The following CAST variants were observed in gnomAD, a reference collection of about 807,000 sequenced individuals.
CAST encodes the protein calpastatin.
Under a neutral mutation model 119.6 loss-of-function variants are expected in CAST, and 76 were observed. The observed-to-expected ratio is 0.64, with a 90% CI of 0.53 to 0.77. The LOEUF is 0.77. Among genes scored for constraint, CAST ranks in the 30% least tolerant of loss-of-function variants. The pLI, the probability that CAST is intolerant of heterozygous loss-of-function variation, is 0.00. For synonymous variants in CAST, 319 were observed against 331.6 expected (o/e 0.96, Z 0.41); for missense variants, 953 against 946.5 (o/e 1.01, Z -0.09).
chr5:96,085,983 C>CT, the CAST span, among the ~76,000 whole-genome samples: 95,734 of 151,922 alleles, frequency 0.63, 30,197 homozygotes, highest in Middle Eastern at 0.68. Context: ...CAAGGGATTG[C>CT]TTCCAGGACC....
At chr5:96,583,716 A>G (rs906917450) in intron 1 of CAST, among the ~76,000 whole-genome samples, 1 of 152,238 alleles carries the variant, frequency 6.6e-6, no homozygotes, top group African/African-American at 2.4e-5. Context: ...ACAAACAGAA[A>G]AATAGAGGGG....
At chr5:96,621,558 T>C (rs976318266) in intron 1 of CAST, among the ~76,000 whole-genome samples, 3 of 152,118 alleles carry the variant, frequency 2.0e-5, no homozygotes, top group Admixed American at 6.5e-5. Flanking sequence ...GTCAGGCACT[T>C]ACAAAACCAT....
At chr5:96,623,044 A>G (rs1272579168) in intron 1 of CAST, among the ~76,000 whole-genome samples, 15 of 151,586 alleles carry the variant, frequency 9.9e-5, no homozygotes, top group Non-Finnish European at 4.4e-5. Flanking sequence ...TTGTATTTTT[A>G]GTAGAGACAG....
At chr5:96,103,946 G>T in the CAST span, among the ~76,000 whole-genome samples, 1 of 152,124 alleles carries the variant, frequency 6.6e-6, no homozygotes, top group Non-Finnish European at 1.5e-5. Context: ...TTTCTCTGAT[G>T]GCCAGTGATG....
chr5:96,269,422 A>G, the CAST span, among the ~76,000 whole-genome samples: 4 of 152,310 alleles, frequency 2.6e-5, no homozygotes, highest in Admixed American at 1.3e-4. Context: ...TAAAACCAAC[A>G]AAGAAACACT....
At chr5:96,457,511 C>T in the CAST span, among the ~76,000 whole-genome samples, 1 of 152,176 alleles carries the variant, frequency 6.6e-6, no homozygotes, top group African/African-American at 2.4e-5. Context: ...CTCGTCTCCT[C>T]CCATGTTCCA....
the CAST span, among the ~76,000 whole-genome samples, chr5:96,203,659 C>A: frequency 1.2e-4 from 18 of 152,044 alleles, no homozygotes; most frequent in Middle Eastern, 3.4e-3. Context: ...TGCTAAATTT[C>A]AGTTAGAGGT....
the CAST span, among the ~76,000 whole-genome samples, chr5:96,177,000 T>G: frequency 1.3e-5 from 2 of 152,234 alleles, no homozygotes; most frequent in Non-Finnish European, 2.9e-5. Flanking sequence ...CAAATAACTT[T>G]TCATGTCTTA....
intron 1 of CAST, among the ~76,000 whole-genome samples, chr5:96,601,080 G>A (rs1747143610): frequency 6.6e-6 from 1 of 151,862 alleles, no homozygotes; most frequent in African/African-American, 2.4e-5. Context: ...TCTCCTTGTT[G>A]TGTGAATGTC....
Position 96,757,634 on chromosome 5 carries a change from C to A in CAST, c.1813C>A (p.Pro605Thr). The A allele has an allele frequency of 6.2e-7, 1 of 1,611,810 alleles. No homozygotes were observed. The highest frequency in any genetic ancestry group is 8.5e-7 in the Non-Finnish European group (1 of 1,178,146). The change falls in exon 24 of 32, where the codon CCA becomes ACA. Residue 605 changes from proline (P) to threonine (T), a missense_variant. Coordinates refer to ENST00000675179, the MANE Select transcript of CAST (RefSeq NM_001750.7). ...TGCTTTGTCTGAGGACTTCTCTGGT[C>A]CACAAAATGCTTCATCTCTTGTAAG... The part of the protein sequence containing the change: ...LDALSEDFSG[P>T]QNASSLKFED...
chr5:96,723,531 C>T (rs1169240171), intron 4 of CAST, among the ~76,000 whole-genome samples: 2 of 151,930 alleles, frequency 1.3e-5, no homozygotes, highest in Non-Finnish European at 2.9e-5. Context: ...ATTGACAAAC[C>T]TTTCTTGAGC....
intron 1 of CAST, among the ~76,000 whole-genome samples, chr5:96,638,052 A>T (rs34726556): frequency 0.03 from 4,544 of 152,278 alleles, 173 homozygotes; most frequent in African/African-American, 0.079. Flanking sequence ...TGAGCATGGC[A>T]TGCAGCTTGG....
chr5:96,440,610 G>A, the CAST span, among the ~76,000 whole-genome samples: 1 of 152,022 alleles, frequency 6.6e-6, no homozygotes, highest in African/African-American at 2.4e-5. Flanking sequence ...GGGTGAGGGG[G>A]TCCGTTTAAG....
chr5:96,471,786 G>GTGTGTGTGTGTGTGTGTGTGTGTT, the CAST span, among the ~76,000 whole-genome samples: 3,790 of 149,428 alleles, frequency 0.025, 145 homozygotes, highest in African/African-American at 0.089. Context: ...GTGTGTGTGT[G>GTGTGTGTGTGTGTGTGTGTGTGTT]TGTGTGTGTG....
chr5:96,240,837 T>C, the CAST span, among the ~76,000 whole-genome samples: 1 of 151,600 alleles, frequency 6.6e-6, no homozygotes, highest in Non-Finnish European at 1.5e-5. Flanking sequence ...ACCAGATTAT[T>C]CACTACAGAA....
intron 10 of CAST, among the ~76,000 whole-genome samples, chr5:96,737,593 A>G (rs929532179): frequency 6.6e-6 from 1 of 152,150 alleles, no homozygotes; most frequent in Non-Finnish European, 1.5e-5. Flanking sequence ...TTGTTCATGT[A>G]TGTAATGCCT....
intron 8 of CAST, among the ~76,000 whole-genome samples, chr5:96,730,481 G>A (rs913902519): frequency 2.0e-5 from 3 of 152,132 alleles, no homozygotes; most frequent in Admixed American, 2.0e-4. Flanking sequence ...GTAAGAGTGA[G>A]CTCACGTGGC....
the CAST span, among the ~76,000 whole-genome samples, chr5:96,491,978 T>C: frequency 1.3e-4 from 20 of 152,218 alleles, no homozygotes; most frequent in Admixed American, 1.1e-3. Flanking sequence ...ATAACATTCA[T>C]CTCCAGAGGA....
chr5:96,227,652 C>G, the CAST span, among the ~76,000 whole-genome samples: 2 of 152,150 alleles, frequency 1.3e-5, no homozygotes, highest in Non-Finnish European at 2.9e-5. Flanking sequence ...AAACAGAAGT[C>G]TCTTTAAAAG....
Sources: allele counts gnomAD v4.1 joint callset (sites outside exome capture counted in the v4.1 genomes callset), GRCh38; gene constraint gnomAD v4.1.1; transcripts MANE v1.5; gene names NCBI Gene and HGNC (gene_info 2026-07-23, HGNC 2026-07-21).